Variants in OCA2 observed in about 807,000 individuals in gnomAD.
OCA2 encodes the protein OCA2 melanosomal transmembrane protein, also known as P protein.
OCA2 carries 77 observed loss-of-function variants against 100.2 expected under a neutral mutation model. That is an observed-to-expected ratio of 0.77 (90% CI 0.64 to 0.93). The LOEUF (loss-of-function observed/expected upper bound fraction) is 0.93, where lower values mean the gene tolerates loss of function less well. OCA2 is among the 40% of genes least tolerant of loss of function. The probability of loss-of-function intolerance (pLI) is 0.00; values close to 1 mark genes in which losing one functional copy is unlikely to be tolerated. For missense variants in OCA2, 1,062 were observed against 1,089.1 expected, an observed-to-expected ratio of 0.98 and a Z score of 0.35; for synonymous variants, 432 against 439.2, an observed-to-expected ratio of 0.98 and a Z score of 0.21.
intron 18 of OCA2, among the ~76,000 whole-genome samples, chr15:27,940,063 C>T (rs984531788): frequency 2.0e-5 from 3 of 152,128 alleles, no homozygotes; most frequent in Admixed American, 6.5e-5. Flanking sequence ...ACAGCTTTGC[C>T]GTTGGGACTG....
intron 14 of OCA2, among the ~76,000 whole-genome samples, chr15:27,973,520 A>G (rs929206216): frequency 2.0e-5 from 3 of 152,102 alleles, no homozygotes; most frequent in Admixed American, 1.3e-4. Context: ...TGGGTTCTCA[A>G]TTCTGTTCCA....
chr15:27,839,386 C>T (rs965694024), intron 23 of OCA2, among the ~76,000 whole-genome samples: 10 of 152,116 alleles, frequency 6.6e-5, no homozygotes, highest in South Asian at 2.1e-4. Context: ...TGTGAGTGGA[C>T]TAAGTTCATT....
Position 27,871,857 on chromosome 15 carries a change from T to C in OCA2, c.2139+6A>G, listed in dbSNP as rs2036590824. On this transcript the variant is annotated splice_donor_region_variant and intron_variant, in intron 20 of 23. Transcript: ENST00000354638. ...GGAGTGCCTTCTATTATAGCATTTA[T>C]TTTACCTTTATTAGCAAAGCAGTTT... The C allele has an allele frequency of 3.2e-6, 5 of 1,579,044 alleles. No homozygotes were observed. Among genetic ancestry groups the C allele is most frequent in the Middle Eastern group, 1.8e-4 (1 of 5,608 alleles).
At chr15:27,912,212 T>C (rs2038423869) in intron 19 of OCA2, among the ~76,000 whole-genome samples, 1 of 152,122 alleles carries the variant, frequency 6.6e-6, no homozygotes, top group African/African-American at 2.4e-5. Context: ...TACAAACACA[T>C]ATGCCCAACT....
intron 11 of OCA2, among the ~76,000 whole-genome samples, chr15:27,987,800 T>C (rs2041412328): frequency 6.6e-6 from 1 of 152,146 alleles, no homozygotes; most frequent in Non-Finnish European, 1.5e-5. Flanking sequence ...ACCTTACCTG[T>C]GAATGTTCTA....
At chr15:27,851,920 A>T (rs977718924) in intron 21 of OCA2, among the ~76,000 whole-genome samples, 8 of 152,138 alleles carry the variant, frequency 5.3e-5, no homozygotes, top group Admixed American at 1.3e-4. Flanking sequence ...AGGAGCACAG[A>T]TCTTGAAAGC....
intron 23 of OCA2, among the ~76,000 whole-genome samples, chr15:27,817,918 T>C (rs1022861635): frequency 1.3e-5 from 2 of 152,196 alleles, no homozygotes; most frequent in Non-Finnish European, 2.9e-5. Context: ...TTTCTAGTAA[T>C]CTAACTTCTA....
intron 23 of OCA2, among the ~76,000 whole-genome samples, chr15:27,772,174 G>A (rs2031919140): frequency 6.6e-6 from 1 of 151,948 alleles, no homozygotes. Flanking sequence ...AACCTCTCTG[G>A]GCCTGACCTT....
chr15:27,726,194 A>T, the OCA2 span, among the ~76,000 whole-genome samples: 1 of 152,090 alleles, frequency 6.6e-6, no homozygotes, highest in African/African-American at 2.4e-5. Flanking sequence ...GCTACTCGGG[A>T]GGCTGAGGCA....
chr15:27,954,379 G>A (rs1006443432), intron 17 of OCA2, among the ~76,000 whole-genome samples: 1 of 152,124 alleles, frequency 6.6e-6, no homozygotes, highest in African/African-American at 2.4e-5. Flanking sequence ...TTCTAACCCT[G>A]GCCATCCACA....
chr15:27,778,279 T>C (rs1218375598), intron 23 of OCA2, among the ~76,000 whole-genome samples: 3 of 152,244 alleles, frequency 2.0e-5, no homozygotes, highest in African/African-American at 7.2e-5. Context: ...TTTGCAACAC[T>C]GTTCAGTAGA....
the OCA2 span, among the ~76,000 whole-genome samples, chr15:27,735,740 A>T: frequency 6.6e-6 from 1 of 151,594 alleles, no homozygotes; most frequent in Non-Finnish European, 1.5e-5. Flanking sequence ...AACAAAACAA[A>T]AAAACAAAAA....
rs116180585 is a variant in OCA2, at chr15:27,870,855, C to G, written c.2244+299G>C. Among the ~76,000 whole-genome samples the G allele has an allele frequency of 0.071, 10,750 of 151,946 alleles. 850 individuals are homozygous for G. The highest frequency in any genetic ancestry group is 0.19 in the African/African-American group (8,018 of 41,380). ...AAGAGAAAGAAAGAGAGAAAGCAAG[C>G]AAGCAAGCACAGCCTTTTCTGGGAG... On this transcript the variant is annotated intron_variant, in intron 21 of 23. Transcript: ENST00000354638.
intron 18 of OCA2, among the ~76,000 whole-genome samples, chr15:27,928,862 A>C (rs1451851127): frequency 2.0e-5 from 3 of 152,184 alleles, no homozygotes; most frequent in Non-Finnish European, 2.9e-5. Flanking sequence ...ATAATCCAGA[A>C]AAATCTCCCT....
the OCA2 span, among the ~76,000 whole-genome samples, chr15:27,724,431 G>T: frequency 1.3e-5 from 2 of 152,134 alleles, no homozygotes; most frequent in East Asian, 3.9e-4. Flanking sequence ...ACCCAGTCCT[G>T]TTGGATGCAG....
intron 23 of OCA2, among the ~76,000 whole-genome samples, chr15:27,756,295 C>G (rs983877870): frequency 6.6e-6 from 1 of 152,234 alleles, no homozygotes; most frequent in Non-Finnish European, 1.5e-5. Context: ...ATTCTCTCTT[C>G]CCTGGCCATA....
chr15:27,911,985 A>T (rs2038414829), intron 19 of OCA2, among the ~76,000 whole-genome samples: 1 of 152,220 alleles, frequency 6.6e-6, no homozygotes, highest in African/African-American at 2.4e-5. Flanking sequence ...TCTATTTCTC[A>T]CAAATATATG....
intron 23 of OCA2, among the ~76,000 whole-genome samples, chr15:27,770,256 G>A (rs1266437812): frequency 6.6e-6 from 1 of 152,330 alleles, no homozygotes; most frequent in African/African-American, 2.4e-5. Context: ...CGCGGGGTCC[G>A]CAGGCCTCCT....
downstream of OCA2, among the ~76,000 whole-genome samples, chr15:27,752,760 T>C (rs1595354646): frequency 9.8e-6 from 1 of 101,810 alleles, no homozygotes; most frequent in Non-Finnish European, 1.8e-5. Context: ...GTCCAGTCCC[T>C]CTGGACACAG....
Sources: gnomAD v4.1 joint callset for allele counts (sites outside exome capture counted in the v4.1 genomes callset) on GRCh38, gnomAD v4.1.1 for gene constraint, MANE v1.5 for transcripts, NCBI Gene and HGNC (gene_info 2026-07-23, HGNC 2026-07-21) for gene names.